EXOC4: variants seen among roughly 807,000 people sequenced by gnomAD.
EXOC4 encodes the protein SEC8-like 1.
EXOC4 carries 71 observed loss-of-function variants against 107.2 expected under a neutral mutation model. That is an observed-to-expected ratio of 0.66 (90% CI 0.55 to 0.81). EXOC4 has a LOEUF of 0.81. Ranked by LOEUF, EXOC4 falls within the 30% of genes least tolerant of loss-of-function variation. The probability of loss-of-function intolerance (pLI) is 0.00; values close to 1 mark genes in which losing one functional copy is unlikely to be tolerated. For synonymous variants in EXOC4, 456 were observed against 441.2 expected (o/e 1.03, Z -0.42); for missense variants, 1,108 against 1,189.6 (o/e 0.93, Z 1.01).
chr7:134,052,075 G>T (rs1371394339), intron 17 of EXOC4, among the ~76,000 whole-genome samples: 2 of 152,210 alleles, frequency 1.3e-5, no homozygotes, highest in East Asian at 3.8e-4. Flanking sequence ...AGGAAAAGCT[G>T]CTGTGCGTGT....
At position 133,938,050 on chromosome 7, in the gene EXOC4, C is replaced by G; in HGVS notation, c.2187C>G (p.Ser729=). The change falls in exon 14 of 18, where the codon TCC becomes TCG. Residue 729 remains serine (S), a synonymous_variant. Transcript: ENST00000253861. ...WLASRTKSAF[S]NLSTSQMLSP... is the part of the protein sequence containing the mutation. ...CAAGTCGAACAAAGTCAGCTTTCTC[C>G]AATCTTTCTACATCCCAGAGTAAGT... 2 of 1,614,118 alleles carry G rather than the reference C, an allele frequency of 1.2e-6. No homozygotes were observed. Among genetic ancestry groups the G allele is most frequent in the African/African-American group, 2.7e-5 (2 of 75,028 alleles).
intron 11 of EXOC4, among the ~76,000 whole-genome samples, chr7:133,876,119 C>A (rs1262618607): frequency 1.3e-5 from 2 of 151,912 alleles, no homozygotes; most frequent in Admixed American, 6.6e-5. Context: ...CTTTTCATGT[C>A]TTTTAACTTT....
chr7:133,952,382 C>G (rs1247475346), intron 14 of EXOC4, among the ~76,000 whole-genome samples: 2 of 152,192 alleles, frequency 1.3e-5, no homozygotes. Flanking sequence ...TGACAATGAT[C>G]TGGTTAGCTG....
At chr7:134,072,608 A>G in the EXOC4 span, among the ~76,000 whole-genome samples, 1 of 152,162 alleles carries the variant, frequency 6.6e-6, no homozygotes, top group Non-Finnish European at 1.5e-5. Flanking sequence ...ACTGTTCGCT[A>G]TGCTAAGGTG....
chr7:133,498,199 ACTC>A (rs1394112368), intron 9 of EXOC4, among the ~76,000 whole-genome samples: 1 of 151,750 alleles, frequency 6.6e-6, no homozygotes, highest in South Asian at 2.1e-4. Flanking sequence ...GGCATCCTTG[ACTC>A]CTCCTTCTTT....
At position 133,458,707 on chromosome 7, in the gene EXOC4, A is replaced by G. The variant is rs184232003; in HGVS notation, c.1183-16621A>G. On this transcript the variant is annotated intron_variant, in intron 7 of 17. Transcript: ENST00000253861. ...TGTCTTCTCAGAAAAGAATACTAAG[A>G]CATTTCTCTGGCAGAGAGAATATTG... Among the ~76,000 whole-genome samples, 814 of 152,282 alleles carry G rather than the reference A, an allele frequency of 5.3e-3. 5 individuals carry two copies. Among genetic ancestry groups the G allele is most frequent in the African/African-American group, 0.019 (790 of 41,550 alleles).
At chr7:133,465,672 T>A (rs1412744486) in intron 7 of EXOC4, among the ~76,000 whole-genome samples, 1 of 152,070 alleles carries the variant, frequency 6.6e-6, no homozygotes, top group African/African-American at 2.4e-5. Context: ...TTAAAAGAAT[T>A]GAAATCACAT....
intron 5 of EXOC4, among the ~76,000 whole-genome samples, chr7:133,318,603 G>T (rs1795043090): frequency 1.3e-5 from 2 of 151,982 alleles, no homozygotes; most frequent in Admixed American, 6.6e-5. Context: ...ATAATGAAAA[G>T]GTAGAAAAAA....
chr7:133,876,522 CTTCT>C (rs1798853123), intron 11 of EXOC4, among the ~76,000 whole-genome samples: 1 of 152,014 alleles, frequency 6.6e-6, no homozygotes, highest in Middle Eastern at 3.4e-3. Flanking sequence ...CATTTTTCTT[CTTCT>C]TTCTTTTTTT....
chr7:133,284,729 G>A (rs1452581406), intron 2 of EXOC4, among the ~76,000 whole-genome samples: 1 of 152,052 alleles, frequency 6.6e-6, no homozygotes, highest in Non-Finnish European at 1.5e-5. Context: ...TAGAGATGGG[G>A]TTTCACTGTG....
chr7:133,551,843 A>AG (rs1800594911), intron 9 of EXOC4: 1 of 152,186 alleles, frequency 6.6e-6, no homozygotes, highest in Non-Finnish European at 1.5e-5. Context: ...GTGATTACCA[A>AG]GAAAAAAAAA....
chr7:133,812,159 AT>A (rs1797248293), intron 10 of EXOC4, among the ~76,000 whole-genome samples: 1 of 152,296 alleles, frequency 6.6e-6, no homozygotes, highest in South Asian at 2.1e-4. Context: ...GAAAAAAAAA[AT>A]CATACAATAT....
intron 7 of EXOC4, among the ~76,000 whole-genome samples, chr7:133,459,596 G>T (rs1160149540): frequency 6.6e-6 from 1 of 152,204 alleles, no homozygotes; most frequent in Non-Finnish European, 1.5e-5. Context: ...TTTACAAACT[G>T]AGATGTGCTG....
At chr7:133,818,789 C>T (rs1797436605) in intron 11 of EXOC4, among the ~76,000 whole-genome samples, 1 of 152,116 alleles carries the variant, frequency 6.6e-6, no homozygotes, top group South Asian at 2.1e-4. Flanking sequence ...ACTGTCCTAC[C>T]TAATTAGGTC....
chr7:133,626,237 C>T (rs1196797695), intron 9 of EXOC4, among the ~76,000 whole-genome samples: 1 of 151,890 alleles, frequency 6.6e-6, no homozygotes, highest in Admixed American at 6.6e-5. Context: ...CAGTAGGTCC[C>T]AGGTTATTTG....
In EXOC4 at chr7:133,697,209, G is replaced by A. The variant is rs141095399; in HGVS notation, c.1514+67068G>A. Among the ~76,000 whole-genome samples the A allele has an allele frequency of 7.2e-5, 11 of 152,114 alleles. No individual in the cohort carries two copies. The East Asian group carries it at 2.1e-3, about 29-fold the overall frequency. On this transcript the variant is annotated intron_variant, in intron 10 of 17. Transcript: ENST00000253861. ...AAGAGATTGTCCTTTCACTAGACTGGATATATCATATTCTTCCTTTTCTTT... is the reference window on the plus strand; with the variant it reads ...AAGAGATTGTCCTTTCACTAGACTGAATATATCATATTCTTCCTTTTCTTT...
At chr7:133,783,024 A>G (rs1390004070) in intron 10 of EXOC4, among the ~76,000 whole-genome samples, 1 of 152,180 alleles carries the variant, frequency 6.6e-6, no homozygotes, top group Non-Finnish European at 1.5e-5. Context: ...GTTACTTAAC[A>G]TCGCCGTGCC....
At chr7:134,013,954 G>A (rs1794833110) in intron 17 of EXOC4, among the ~76,000 whole-genome samples, 1 of 152,104 alleles carries the variant, frequency 6.6e-6, no homozygotes, top group Non-Finnish European at 1.5e-5. Flanking sequence ...AATGTAAAAT[G>A]GTGCAGCTGC....
intron 10 of EXOC4, among the ~76,000 whole-genome samples, chr7:133,634,288 C>T (rs969079158): frequency 1.3e-5 from 2 of 152,112 alleles, no homozygotes; most frequent in East Asian, 3.9e-4. Context: ...CCATTAACTC[C>T]GCTTATCCCT....
Sources: gnomAD v4.1 joint callset for allele counts (sites outside exome capture counted in the v4.1 genomes callset) on GRCh38, gnomAD v4.1.1 for gene constraint, MANE v1.5 for transcripts, NCBI Gene and HGNC (gene_info 2026-07-23, HGNC 2026-07-21) for gene names.